The following KCND2 variants were observed in gnomAD, a reference collection of about 807,000 sequenced individuals.
KCND2 encodes the protein A-type voltage-gated potassium channel KCND2.
A neutral mutation model predicts 54.4 loss-of-function variants in KCND2; 16 were observed. That is an observed-to-expected ratio of 0.29 (90% CI 0.20 to 0.45). The LOEUF (loss-of-function observed/expected upper bound fraction) is 0.45. Among genes scored for constraint, KCND2 ranks in the 20% least tolerant of loss-of-function variants. The pLI, the probability that KCND2 is intolerant of heterozygous loss-of-function variation, is 1.00. For synonymous variants in KCND2, 317 were observed against 310.7 expected (o/e 1.02, Z -0.21); for missense variants, 486 against 824.2 (o/e 0.59, Z 5.02).
rs529186706 is a variant in KCND2, at chr7:120,274,742, G to A, written c.110G>A (p.Arg37Lys). Residue 37 changes from arginine to lysine, a missense_variant, in exon 1 of 6, where the codon AGG becomes AAG. By Grantham distance (26) the Arg-to-Lys change is conservative. Around this residue, in one of 7 missense-constraint regions of KCND2, gnomAD observed 231 missense variants for 386.0 expected, o/e 0.60. Transcript: ENST00000331113. ...MPAPPRQERK[R>K]TQDALIVLNV... ...GCTCCCCCGAGGCAGGAGAGGAAAA[G>A]GACCCAAGATGCTCTCATTGTGCTG... 1 of 1,614,046 alleles carries A rather than the reference G, an allele frequency of 6.2e-7. No homozygotes were observed. The highest frequency in any genetic ancestry group is 1.3e-5 in the African/African-American group (1 of 75,040).
Position 120,601,805 on chromosome 7 carries a change from T to G in KCND2, c.1116-131098T>G, listed in dbSNP as rs569393089. On this transcript the variant is annotated intron_variant, in intron 1 of 5. Transcript: ENST00000331113. Reference sequence around the variant, plus strand: ...TAGTTGAAATTGTCAACTAAAAGCATAAAACTCTCTACCCACACTGAACTA... The same window carrying G: ...TAGTTGAAATTGTCAACTAAAAGCAGAAAACTCTCTACCCACACTGAACTA... Among the ~76,000 whole-genome samples the G allele has an allele frequency of 2.4e-4, 36 of 152,168 alleles. No homozygotes were observed. The South Asian group carries it at 7.5e-3, about 32-fold the overall frequency.
chr7:120,520,190 G>A (rs802363), intron 1 of KCND2, among the ~76,000 whole-genome samples: 36,734 of 151,864 alleles, frequency 0.24, 7,727 homozygotes, highest in African/African-American at 0.56. Flanking sequence ...CCATTTATGT[G>A]TAATATTTAT....
At chr7:120,567,001 A>G (rs1048046246) in intron 1 of KCND2, among the ~76,000 whole-genome samples, 5 of 152,270 alleles carry the variant, frequency 3.3e-5, no homozygotes, top group Admixed American at 2.6e-4. Flanking sequence ...TTGTCTGTGT[A>G]TAAACCTGTG....
chr7:120,355,558 A>G (rs1346979889), intron 1 of KCND2, among the ~76,000 whole-genome samples: 1 of 150,850 alleles, frequency 6.6e-6, no homozygotes, highest in Non-Finnish European at 1.5e-5. Context: ...AGAAAAAAAG[A>G]AAATTACATG....
intron 1 of KCND2, among the ~76,000 whole-genome samples, chr7:120,575,356 G>A (rs1424942872): frequency 6.6e-6 from 1 of 152,072 alleles, no homozygotes; most frequent in Non-Finnish European, 1.5e-5. Flanking sequence ...AGTGTTCGAG[G>A]GCAGGAAGCA....
chr7:120,572,467 A>C (rs543097743), intron 1 of KCND2, among the ~76,000 whole-genome samples: 1 of 152,274 alleles, frequency 6.6e-6, no homozygotes, highest in African/African-American at 2.4e-5. Context: ...TGCCTTACTT[A>C]TTGTGACATT....
chr7:120,446,872 A>C (rs541337256), intron 1 of KCND2, among the ~76,000 whole-genome samples: 4 of 152,300 alleles, frequency 2.6e-5, no homozygotes, highest in African/African-American at 9.6e-5. Context: ...CAATTCTAAC[A>C]TGGCATTTTG....
intron 1 of KCND2, among the ~76,000 whole-genome samples, chr7:120,546,766 A>G (rs895601441): frequency 6.6e-6 from 1 of 152,020 alleles, no homozygotes; most frequent in Non-Finnish European, 1.5e-5. Flanking sequence ...AATTATCTAC[A>G]TGGCTAAGAA....
intron 1 of KCND2, among the ~76,000 whole-genome samples, chr7:120,554,238 TC>T (rs1792135196): frequency 6.6e-6 from 1 of 152,112 alleles, no homozygotes; most frequent in South Asian, 2.1e-4. Flanking sequence ...ATGATGATGT[TC>T]TTCCTGCTAT....
chr7:120,652,064 A>G (rs189146962), intron 1 of KCND2, among the ~76,000 whole-genome samples: 1 of 150,754 alleles, frequency 6.6e-6, no homozygotes, highest in African/African-American at 2.4e-5. Flanking sequence ...AGTGCAGTCT[A>G]TCTCTATCTT....
chr7:120,540,972 G>A (rs529023309), intron 1 of KCND2, among the ~76,000 whole-genome samples: 20 of 152,104 alleles, frequency 1.3e-4, no homozygotes, highest in African/African-American at 4.3e-4. Context: ...TCAATTTATT[G>A]AACATTATTA....
intron 1 of KCND2, among the ~76,000 whole-genome samples, chr7:120,621,465 A>G (rs1233684919): frequency 6.6e-6 from 1 of 151,928 alleles, no homozygotes; most frequent in African/African-American, 2.4e-5. Flanking sequence ...CATTTAACCC[A>G]AGAACCCCCA....
intron 1 of KCND2, among the ~76,000 whole-genome samples, chr7:120,664,232 A>G (rs915039902): frequency 5.3e-5 from 8 of 152,010 alleles, no homozygotes; most frequent in African/African-American, 1.9e-4. Context: ...TTTAGAAACA[A>G]CTGCTTTTGC....
intron 1 of KCND2, among the ~76,000 whole-genome samples, chr7:120,537,913 G>A (rs1056544067): frequency 2.6e-5 from 4 of 152,140 alleles, no homozygotes; most frequent in African/African-American, 4.8e-5. Context: ...TCAGCAGTAA[G>A]GCTGTTTCAC....
intron 1 of KCND2, among the ~76,000 whole-genome samples, chr7:120,704,309 G>A (rs894199527): frequency 1.3e-5 from 2 of 151,998 alleles, no homozygotes; most frequent in African/African-American, 4.8e-5. Flanking sequence ...TTTATTTTTG[G>A]ATGATACATT....
chr7:120,518,201 T>C (rs182322959), intron 1 of KCND2, among the ~76,000 whole-genome samples: 68 of 152,270 alleles, frequency 4.5e-4, no homozygotes, highest in African/African-American at 1.6e-3. Flanking sequence ...TCAGAATGTA[T>C]TATTATTCTG....
intron 1 of KCND2, among the ~76,000 whole-genome samples, chr7:120,345,044 C>T (rs187890661): frequency 4.3e-4 from 66 of 152,054 alleles, no homozygotes; most frequent in Non-Finnish European, 3.5e-4. Flanking sequence ...AGGGGAAGAG[C>T]GTTGAACTGA....
intron 1 of KCND2, among the ~76,000 whole-genome samples, chr7:120,510,660 G>A (rs1478563133): frequency 1.3e-5 from 2 of 151,928 alleles, no homozygotes; most frequent in African/African-American, 2.4e-5. Context: ...TACCTAAGGA[G>A]CACTAAATTA....
intron 1 of KCND2, among the ~76,000 whole-genome samples, chr7:120,577,070 C>T (rs1235752840): frequency 6.6e-6 from 1 of 151,970 alleles, no homozygotes; most frequent in East Asian, 1.9e-4. Flanking sequence ...TTGCTTGAAC[C>T]CGGGGGGTTG....
Sources: allele counts gnomAD v4.1 joint callset (sites outside exome capture counted in the v4.1 genomes callset), GRCh38; gene constraint gnomAD v4.1.1; regional missense constraint gnomAD v4.1.1; transcripts MANE v1.5; gene names NCBI Gene and HGNC (gene_info 2026-07-23, HGNC 2026-07-21).